The following KLHL14 variants were observed in gnomAD, a reference collection of about 807,000 sequenced individuals.
KLHL14 encodes the protein kelch like family member 14, also known as kelch-like protein 14.
In KLHL14, 22 loss-of-function variants were observed where a neutral mutation model predicts 64.3. The ratio of observed to expected loss-of-function variants is 0.34; its 90% CI spans 0.24 to 0.49. The LOEUF is 0.49. Among genes scored for constraint, KLHL14 ranks in the 20% least tolerant of loss-of-function variants. The probability of loss-of-function intolerance (pLI) is 0.99; values close to 1 mark genes in which losing one functional copy is unlikely to be tolerated. For synonymous variants in KLHL14, 322 were observed against 333.4 expected (o/e 0.97, Z 0.37); for missense variants, 661 against 789.0 (o/e 0.84, Z 1.94).
At chr18:32,761,494 T>A (rs1370997372) in intron 2 of KLHL14, among the ~76,000 whole-genome samples, 1 of 151,612 alleles carries the variant, frequency 6.6e-6, no homozygotes, top group Non-Finnish European at 1.5e-5. Context: ...TCCAATTGCA[T>A]ATTTTGCCTT....
intron 3 of KLHL14, among the ~76,000 whole-genome samples, chr18:32,714,420 A>G (rs550632731): frequency 6.6e-6 from 1 of 152,206 alleles, no homozygotes; most frequent in Non-Finnish European, 1.5e-5. Flanking sequence ...AAAGTATTAC[A>G]GTAGTAATAT....
At chr18:32,681,475 A>T (rs1432060221) in intron 5 of KLHL14, among the ~76,000 whole-genome samples, 1 of 152,168 alleles carries the variant, frequency 6.6e-6, no homozygotes, top group African/African-American at 2.4e-5. Context: ...ATGAGAGCTG[A>T]GGGAAAATAA....
At chr18:32,740,204 A>G (rs1286964999) in intron 3 of KLHL14, among the ~76,000 whole-genome samples, 2 of 152,192 alleles carry the variant, frequency 1.3e-5, no homozygotes, top group African/African-American at 4.8e-5. Flanking sequence ...TCCAGTCTAT[A>G]CCTGTTGTCC....
intron 3 of KLHL14, among the ~76,000 whole-genome samples, chr18:32,739,333 C>G (rs2050183054): frequency 6.7e-6 from 1 of 148,428 alleles, no homozygotes; most frequent in Admixed American, 6.7e-5. Context: ...TTAGATGGCC[C>G]AAAGCATAGC....
chr18:32,684,719 G>A (rs1046775538), intron 5 of KLHL14, among the ~76,000 whole-genome samples: 3 of 151,978 alleles, frequency 2.0e-5, no homozygotes, highest in Admixed American at 6.6e-5. Flanking sequence ...TTTCATTCAT[G>A]ATCTACACAA....
chr18:32,724,214 G>A (rs952845102), intron 3 of KLHL14, among the ~76,000 whole-genome samples: 8 of 152,168 alleles, frequency 5.3e-5, no homozygotes, highest in South Asian at 4.2e-4. Flanking sequence ...TCACTTAACC[G>A]TTCTGATCTT....
At chr18:32,741,872 C>T (rs2050200160) in intron 3 of KLHL14, 56 bp downstream of exon 3, 2 of 1,468,690 alleles carry the variant, frequency 1.4e-6, no homozygotes, top group East Asian at 2.6e-5. Context: ...TTCATCAAGA[C>T]AGCGCTAACC....
chr18:32,689,856 C>T (rs1265034475), intron 4 of KLHL14, among the ~76,000 whole-genome samples: 3 of 152,156 alleles, frequency 2.0e-5, no homozygotes, highest in Non-Finnish European at 4.4e-5. Flanking sequence ...AGGCCATCAA[C>T]TGAGAGTGAG....
At chr18:32,703,093 T>G (rs2049974352) in intron 3 of KLHL14, among the ~76,000 whole-genome samples, 2 of 152,260 alleles carry the variant, frequency 1.3e-5, no homozygotes, top group African/African-American at 4.8e-5. Flanking sequence ...AACAGTGTAT[T>G]AAAAGGCTTG....
intron 2 of KLHL14, among the ~76,000 whole-genome samples, chr18:32,752,455 AC>A (rs1175425189): frequency 2.0e-5 from 3 of 152,056 alleles, no homozygotes; most frequent in African/African-American, 7.2e-5. Flanking sequence ...ACTGCCCTAG[AC>A]CCTCCACCTT....
Position 32,770,147 on chromosome 18 carries a change from G to C in KLHL14, c.445C>G (p.Leu149Val). The C allele has an allele frequency of 3.1e-6, 5 of 1,614,196 alleles. No individual in the cohort carries two copies. Among genetic ancestry groups the C allele is most frequent in the Non-Finnish European group, 4.2e-6 (5 of 1,180,046 alleles). Reference sequence around the variant, plus strand: ...ACCTCCTCCACCGTGTCCAGGGACAGGGTCACGTTGGCCGTGTAGAGGTAC... The same window carrying C: ...ACCTCCTCCACCGTGTCCAGGGACACGGTCACGTTGGCCGTGTAGAGGTAC... The part of the protein sequence containing the change: ...LEYLYTANVT[L>V]SLDTVEEVLS... Residue 149 changes from leucine to valine, a missense_variant, in exon 2 of 9, where the codon CTG becomes GTG. Leu to Val is a conservative substitution (Grantham distance 32). Transcript: ENST00000359358. The surrounding 1 kb of genome is among the most constrained non-coding windows in gnomAD (Gnocchi z 6.7).
intron 2 of KLHL14, among the ~76,000 whole-genome samples, chr18:32,755,026 G>A (rs201794914): frequency 6.6e-6 from 1 of 151,936 alleles, no homozygotes; most frequent in Non-Finnish European, 1.5e-5. Flanking sequence ...GGTGTGGCTT[G>A]TGGAATCCTG....
intron 3 of KLHL14, among the ~76,000 whole-genome samples, chr18:32,727,823 T>C (rs2050115150): frequency 6.6e-6 from 1 of 152,176 alleles, no homozygotes; most frequent in Admixed American, 6.5e-5. Context: ...TTTACCAGTA[T>C]GACATGGACA....
chr18:32,693,013 G>A (rs148309943), intron 4 of KLHL14, among the ~76,000 whole-genome samples: 3 of 152,264 alleles, frequency 2.0e-5, no homozygotes, highest in East Asian at 3.9e-4. Context: ...CCATTCACGG[G>A]ATTGTGGTGG....
intron 8 of KLHL14, among the ~76,000 whole-genome samples, chr18:32,676,034 G>C (rs1436454043): frequency 6.6e-6 from 1 of 152,146 alleles, no homozygotes; most frequent in Non-Finnish European, 1.5e-5. Flanking sequence ...TTTTAAAAGT[G>C]AATATGTAAT....
intron 3 of KLHL14, among the ~76,000 whole-genome samples, chr18:32,725,190 C>A (rs1386655202): frequency 6.6e-6 from 1 of 152,044 alleles, no homozygotes; most frequent in African/African-American, 2.4e-5. Flanking sequence ...ACACACCTGA[C>A]TACTTATTTT....
chr18:32,689,370 G>C (rs73955257), intron 4 of KLHL14, among the ~76,000 whole-genome samples: 5 of 152,140 alleles, frequency 3.3e-5, no homozygotes, highest in African/African-American at 4.8e-5. Flanking sequence ...TCAGAGATAG[G>C]GGGGAAAGGT....
chr18:32,739,642 G>GCGCACA (rs1468944752), intron 3 of KLHL14, among the ~76,000 whole-genome samples: 18 of 147,186 alleles, frequency 1.2e-4, no homozygotes, highest in Non-Finnish European at 2.4e-4. Flanking sequence ...TAAGAACTTT[G>GCGCACA]CACACACACA....
intron 3 of KLHL14, among the ~76,000 whole-genome samples, chr18:32,739,154 C>A (rs113770184): frequency 1.6e-3 from 236 of 152,214 alleles, no homozygotes; most frequent in African/African-American, 5.4e-3. Context: ...AGACCCCAAA[C>A]CAGGGGACTG....
Sources: gnomAD v4.1 joint callset for allele counts (sites outside exome capture counted in the v4.1 genomes callset) on GRCh38, gnomAD v4.1.1 for gene constraint, Gnocchi (gnomAD v3.1) non-coding constraint, MANE v1.5 for transcripts, NCBI Gene and HGNC (gene_info 2026-07-23, HGNC 2026-07-21) for gene names.